Variants in ADAR observed in about 807,000 individuals in gnomAD.
The protein encoded by ADAR is adenosine deaminase RNA specific.
A neutral mutation model predicts 113.2 loss-of-function variants in ADAR; 41 were observed. The ratio of observed to expected loss-of-function variants is 0.36; its 90% CI spans 0.28 to 0.47. ADAR has a LOEUF of 0.47. ADAR is among the 20% of genes least tolerant of loss of function. The pLI, the probability that ADAR is intolerant of heterozygous loss-of-function variation, is 1.00. For synonymous variants in ADAR, 605 were observed against 572.6 expected (o/e 1.06, Z -0.81); for missense variants, 1,242 against 1,540.9 (o/e 0.81, Z 3.25).
At chr1:154,608,312 G>A (rs1698340472), upstream of ADAR, 1 of 455,294 alleles carries the variant, frequency 2.2e-6, no homozygotes. Flanking sequence ...TCCGCTGCAT[G>A]AGAACTACGG....
chr1:154,626,271 T>C (rs1440815946), intron 1 of ADAR, among the ~76,000 whole-genome samples: 1 of 151,874 alleles, frequency 6.6e-6, no homozygotes, highest in Non-Finnish European at 1.5e-5. Context: ...TGCACCATCA[T>C]GCTGGTCTAA....
chr1:154,591,971 T>C (rs576706303), intron 6 of ADAR, among the ~76,000 whole-genome samples: 3 of 152,294 alleles, frequency 2.0e-5, no homozygotes, highest in African/African-American at 7.2e-5. Context: ...TCCAGGAGAA[T>C]TTCATGACTG....
intron 1 of ADAR, among the ~76,000 whole-genome samples, chr1:154,606,947 A>ATATAT (rs1214124039): frequency 0.021 from 3,145 of 148,464 alleles, 57 homozygotes; most frequent in African/African-American, 0.046. Flanking sequence ...AAAAAAAAAA[A>ATATAT]ATATATATAT....
intron 1 of ADAR, chr1:154,605,965 T>C: frequency 6.3e-6 from 6 of 945,234 alleles, no homozygotes; most frequent in Non-Finnish European, 7.6e-6. Context: ...TATAGAAGAA[T>C]TAAATTATGA....
chr1:154,615,693 C>T (rs761720350), intron 1 of ADAR, among the ~76,000 whole-genome samples: 9 of 152,172 alleles, frequency 5.9e-5, no homozygotes, highest in Non-Finnish European at 1.0e-4. Context: ...GAATTACAGG[C>T]GTGAGCCACC....
At chr1:154,619,978 T>C (rs529886402) in intron 1 of ADAR, among the ~76,000 whole-genome samples, 1 of 152,276 alleles carries the variant, frequency 6.6e-6, no homozygotes, top group South Asian at 2.1e-4. Context: ...AGAATGTCCA[T>C]AGAACCAGGG....
rs567717497 is a variant in ADAR at position 154,623,391 on chromosome 1, C to T, written c.-871+4464G>A. ...ACAAACACAACCCACTGGATTCATT[C>T]CAGTTGGAAGGCTCTAGAAGGACCC... is the stretch of plus-strand genomic sequence containing the variant. On this transcript the variant is annotated intron_variant, in intron 1 of 14. Coordinates refer to the ADAR transcript ENST00000368471. Among the ~76,000 whole-genome samples the T allele has an allele frequency of 2.0e-5, 3 of 152,280 alleles. No individual in the cohort carries two copies. The South Asian group carries it at 6.2e-4, about 32-fold the overall frequency.
chr1:154,601,790 T>C lies in ADAR; in HGVS notation c.852A>G (p.Thr284=). 6.2e-7 allele frequency: 1 copy of C among 1,614,250 alleles called. No individual in the cohort carries two copies. Among genetic ancestry groups the C allele is most frequent in the Non-Finnish European group, 8.5e-7 (1 of 1,180,048 alleles). The change falls in exon 2 of 15, where the codon ACA becomes ACG. Residue 284 remains threonine, a synonymous_variant. Coordinates refer to ENST00000368474, the MANE Select transcript of ADAR (RefSeq NM_001111.5). This position sits in a 1 kb window ranked among gnomAD's most constrained non-coding sequence, Gnocchi z 4.7. ...PGLEPEDSNS[T]SALEDPLEFL... ...ACTCAAGAGGATCTTCCAAGGCAGA[T>C]GTGGAGTTGCTGTCTTCAGGTTCCA...
chr1:154,626,490 T>C (rs1283168019), intron 1 of ADAR, among the ~76,000 whole-genome samples: 1 of 152,114 alleles, frequency 6.6e-6, no homozygotes, highest in Non-Finnish European at 1.5e-5. Context: ...GATTTTGAGA[T>C]TTCCCCTCCA....
chr1:154,603,140 C>G (rs998685918), intron 1 of ADAR, among the ~76,000 whole-genome samples: 1 of 152,172 alleles, frequency 6.6e-6, no homozygotes, highest in African/African-American at 2.4e-5. Flanking sequence ...GCACCCCTTG[C>G]CCACCTGTCT....
chr1:154,605,127 T>G (rs1698108249), intron 1 of ADAR, among the ~76,000 whole-genome samples: 1 of 152,202 alleles, frequency 6.6e-6, no homozygotes, highest in Admixed American at 6.5e-5. Flanking sequence ...AAGTCCCACC[T>G]TGTCTGCCAC....
At position 154,598,402 on chromosome 1, in the gene ADAR, C is replaced by G; in HGVS notation, c.1785G>C (p.Lys595Asn). The change falls in exon 3 of 15, where the codon AAG becomes AAC. Residue 595 changes from lysine (K) to asparagine (N), a missense_variant and splice_region_variant. Around this residue, in one of 2 missense-constraint regions of ADAR, gnomAD observed 780 missense variants for 1,057.9 expected, o/e 0.74. Coordinates refer to ENST00000368474, the MANE Select transcript of ADAR (RefSeq NM_001111.5). ...TCCCAGATGGCAGGAGGACACCTAC[C>G]TTCTCTGATTCTTTCTCTGTGGAAT... ...SHYSTEKESE[K>N]TAESQTPTPS... 1 of 1,614,130 alleles carries G rather than the reference C, an allele frequency of 6.2e-7. No homozygotes were observed. The highest frequency in any genetic ancestry group is 1.3e-5 in the African/African-American group (1 of 75,030).
Position 154,584,718 on chromosome 1 carries a change from T to A in ADAR, c.*88A>T, listed in dbSNP as rs1326146810. ...AAGAAAAAAAAAGGAGAAAAAAAAA[T>A]CCCCTGACCATGTGATGAGGAATGC... On this transcript the variant is annotated 3_prime_UTR_variant, in exon 15 of 15. Coordinates refer to ENST00000368474, the MANE Select transcript of ADAR (RefSeq NM_001111.5). 1.7e-6 allele frequency: 2 copies of A among 1,154,296 alleles called. No individual in the cohort carries two copies. The highest frequency in any genetic ancestry group is 2.5e-6 in the Non-Finnish European group (2 of 791,580). The allele number at this position is 1,154,296 out of a possible 1,614,324, so 71.5% of individuals were successfully genotyped here. A position where few individuals can be genotyped will look rare whatever the true frequency, so the allele number is the denominator to read the frequency against.
chr1:154,585,764 T>A lies in ADAR; in HGVS notation c.3304A>T (p.Asn1102Tyr). The change falls in exon 13 of 15, where the codon AAC (asparagine) becomes TAC (tyrosine). Residue 1102 changes from asparagine (N) to tyrosine (Y), a missense_variant. By Grantham distance (143) the Asn-to-Tyr change is moderately radical (BLOSUM62 -2). Around this residue, in one of 2 missense-constraint regions of ADAR, gnomAD observed 780 missense variants for 1,057.9 expected, o/e 0.74. Transcript: ENST00000368474. ...GGGGGTTATAGCACCTTGGGGTGGT[T>A]GACAATAAAGGGATGTCGTAGTCCA... ...EDGLRHPFIV[N>Y]HPKVGRVSIY... 6.2e-7 allele frequency: 1 copy of A among 1,613,710 alleles called. No individual in the cohort carries two copies. Among genetic ancestry groups the A allele is most frequent in the Non-Finnish European group, 8.5e-7 (1 of 1,179,638 alleles).
At chr1:154,592,494 G>A (rs1356782429) in intron 6 of ADAR, among the ~76,000 whole-genome samples, 1 of 152,222 alleles carries the variant, frequency 6.6e-6, no homozygotes, top group African/African-American at 2.4e-5. Flanking sequence ...TGACAGTCTA[G>A]ATGAGACAGT....
At chr1:154,588,328 T>A (rs547060972) in intron 10 of ADAR, 70 bp from the exon 11 acceptor site, 1 of 1,608,960 alleles carries the variant, frequency 6.2e-7, no homozygotes, top group East Asian at 2.2e-5. Context: ...TCCAAAACAG[T>A]CAGATGTGAC....
At position 154,582,408 on chromosome 1, in the gene ADAR, G is replaced by T. The variant is rs1696462328; in HGVS notation, c.*2398C>A. Reference sequence around the variant, plus strand: ...GGGTCACTGCTTATTAAAAACAAAAGACTGGACAAAGAAAGTGAAGATAAC... The same window carrying T: ...GGGTCACTGCTTATTAAAAACAAAATACTGGACAAAGAAAGTGAAGATAAC... On this transcript the variant is annotated 3_prime_UTR_variant, in exon 15 of 15. Transcript: ENST00000368474. The T allele has an allele frequency of 6.6e-6, 1 of 152,084 alleles. No individual in the cohort carries two copies. The highest frequency in any genetic ancestry group is 1.5e-5 in the Non-Finnish European group (1 of 68,026). The allele number at this position is 152,084 out of a possible 1,614,324, so 9.4% of individuals were successfully genotyped here. A position where few individuals can be genotyped will look rare whatever the true frequency, so the allele number is the denominator to read the frequency against.
At chr1:154,604,579 T>A (rs3766922) in intron 1 of ADAR, among the ~76,000 whole-genome samples, 1 of 152,070 alleles carries the variant, frequency 6.6e-6, no homozygotes, top group Non-Finnish European at 1.5e-5. Context: ...CAAACATGCC[T>A]TAGTTCACTG....
intron 1 of ADAR, among the ~76,000 whole-genome samples, chr1:154,604,015 T>TC (rs1698041167): frequency 6.6e-6 from 1 of 152,166 alleles, no homozygotes; most frequent in South Asian, 2.1e-4. Context: ...GTCTAGCTAC[T>TC]CCTTCAATCT....
Sources: gnomAD v4.1 joint callset for allele counts (sites outside exome capture counted in the v4.1 genomes callset) on GRCh38, gnomAD v4.1.1 for gene constraint, gnomAD v4.1.1 regional missense constraint, Gnocchi (gnomAD v3.1) non-coding constraint, MANE v1.5 for transcripts, NCBI Gene and HGNC (gene_info 2026-07-23, HGNC 2026-07-21) for gene names.